Variants in TJP1 observed in about 807,000 individuals in gnomAD.
TJP1 encodes the protein tight junction protein 1, also known as tight junction protein ZO-1.
In TJP1, 43 loss-of-function variants were observed where a neutral mutation model predicts 194.2. The ratio of observed to expected loss-of-function variants is 0.22; its 90% CI spans 0.17 to 0.29. The LOEUF (loss-of-function observed/expected upper bound fraction) is 0.29, where lower values mean the gene tolerates loss of function less well. Among genes scored for constraint, TJP1 ranks in the 10% least tolerant of loss-of-function variants. The pLI, the probability that TJP1 is intolerant of heterozygous loss-of-function variation, is 1.00. For missense variants in TJP1, 1,971 were observed against 2,185.7 expected, an observed-to-expected ratio of 0.90 and a Z score of 1.96; for synonymous variants, 801 against 779.0, an observed-to-expected ratio of 1.03 and a Z score of -0.47.
intron 2 of TJP1, among the ~76,000 whole-genome samples, chr15:29,949,712 ATC>A (rs2055558651): frequency 1.0e-5 from 1 of 100,124 alleles, no homozygotes; most frequent in African/African-American, 3.6e-5. Context: ...CACCACCTCC[ATC>A]ACCTCCACCG....
intron 1 of TJP1, among the ~76,000 whole-genome samples, chr15:29,958,093 G>C (rs11857037): frequency 1.9e-3 from 287 of 152,092 alleles, no homozygotes; most frequent in African/African-American, 6.7e-3. Context: ...TTTTTTATTA[G>C]ATGTCTTGAT....
chr15:29,841,211 A>G (rs1446623896), intron 2 of TJP1, among the ~76,000 whole-genome samples: 2 of 152,170 alleles, frequency 1.3e-5, no homozygotes, highest in African/African-American at 4.8e-5. Context: ...GTGAAAGGCT[A>G]GGGTTCAAGC....
chr15:29,781,792 C>T (rs2047382785), intron 2 of TJP1, among the ~76,000 whole-genome samples: 1 of 152,140 alleles, frequency 6.6e-6, no homozygotes, highest in South Asian at 2.1e-4. Context: ...TCTCAATAAA[C>T]TAGGCATTGA....
At chr15:29,728,777 T>C (rs2043405448) in intron 15 of TJP1, 1 of 152,316 alleles carries the variant, frequency 6.6e-6, no homozygotes, top group South Asian at 2.1e-4. Context: ...CAAGTCACAC[T>C]GAGGTTCAAG....
chr15:29,844,140 G>T (rs186406002), intron 2 of TJP1, among the ~76,000 whole-genome samples: 1 of 152,248 alleles, frequency 6.6e-6, no homozygotes, highest in Non-Finnish European at 1.5e-5. Flanking sequence ...TGCAGTGCGC[G>T]GCTCACTGCA....
chr15:29,764,973 A>C (rs1002662250), intron 5 of TJP1, among the ~76,000 whole-genome samples: 2 of 152,178 alleles, frequency 1.3e-5, no homozygotes, highest in African/African-American at 4.8e-5. Context: ...CCTTAAGTGG[A>C]AAAAAAGATT....
chr15:29,766,618 A>G (rs45524136), intron 4 of TJP1, 76 bp from the exon 5 acceptor site: 26,955 of 1,383,908 alleles, frequency 0.019, 351 homozygotes, highest in South Asian at 0.051. Context: ...AGAAAGGAAT[A>G]TTACACTTCT....
intron 5 of TJP1, among the ~76,000 whole-genome samples, chr15:29,763,541 G>C (rs977250064): frequency 6.6e-6 from 1 of 151,924 alleles, no homozygotes; most frequent in Non-Finnish European, 1.5e-5. Context: ...AGGCCAAGGC[G>C]GGCGGACCAC....
chr15:29,957,337 G>T (rs751828840), intron 1 of TJP1, among the ~76,000 whole-genome samples: 1 of 151,954 alleles, frequency 6.6e-6, no homozygotes, highest in Non-Finnish European at 1.5e-5. Flanking sequence ...ACATTTGAAG[G>T]GTATAAAAAG....
intron 2 of TJP1, among the ~76,000 whole-genome samples, chr15:29,894,718 C>T (rs2053422619): frequency 6.6e-6 from 1 of 152,206 alleles, no homozygotes; most frequent in Non-Finnish European, 1.5e-5. Context: ...CTCACAGCAG[C>T]CTCTGCTTGG....
intron 26 of TJP1, among the ~76,000 whole-genome samples, chr15:29,704,739 G>A (rs1270033381): frequency 6.6e-6 from 1 of 152,126 alleles, no homozygotes; most frequent in African/African-American, 2.4e-5. Context: ...ATATTCAAAT[G>A]TGCTTGTTGC....
chr15:29,870,397 T>A (rs2052471150), intron 2 of TJP1, among the ~76,000 whole-genome samples: 2 of 152,316 alleles, frequency 1.3e-5, no homozygotes, highest in African/African-American at 4.8e-5. Context: ...TTATATTAAG[T>A]ATGCAAAATT....
At chr15:29,720,119 A>G (rs1015203383) in intron 19 of TJP1, 103 bp from the exon 20 acceptor site, 2 of 1,443,470 alleles carry the variant, frequency 1.4e-6, no homozygotes, top group African/African-American at 1.4e-5. Flanking sequence ...AGTGTGCTGA[A>G]TAACAAAATT....
At chr15:29,848,557 GT>G (rs1272424198) in intron 2 of TJP1, among the ~76,000 whole-genome samples, 12 of 152,150 alleles carry the variant, frequency 7.9e-5, no homozygotes, top group Admixed American at 1.3e-4. Context: ...AAAACTTTCA[GT>G]ATAGATAATG....
chr15:29,766,470 C>G lies in TJP1; in HGVS notation c.385G>C (p.Glu129Gln), dbSNP rs2046339419. ...TGTATTTCCTCATCATAACTATCTT[C>G]TTCATTATCAGATACTGGTTCAGGA... ...PDPEPVSDNEEDSYDEEIHDP... is the reference protein window; with the variant it reads ...PDPEPVSDNEQDSYDEEIHDP... Residue 129 changes from glutamate (E) to glutamine (Q), a missense_variant, in exon 5 of 28, where the codon GAA (glutamate) becomes CAA (glutamine). By Grantham distance (29) the Glu-to-Gln change is conservative. This residue lies in a region of TJP1 where 245 missense variants were observed against 336.6 expected (regional missense o/e 0.73). Transcript: ENST00000614355. 6.2e-7 allele frequency: 1 copy of G among 1,612,936 alleles called. No homozygotes were observed. Among genetic ancestry groups the G allele is most frequent in the Admixed American group, 1.7e-5 (1 of 59,904 alleles).
intron 2 of TJP1, among the ~76,000 whole-genome samples, chr15:29,871,920 A>G (rs2052538981): frequency 6.6e-6 from 1 of 152,252 alleles, no homozygotes; most frequent in East Asian, 1.9e-4. Context: ...AAACAATTAC[A>G]GAGCGCCTAT....
chr15:29,732,698 T>C lies in TJP1; in HGVS notation c.1854A>G (p.Arg618=). 6.2e-7 allele frequency: 1 copy of C among 1,614,200 alleles called. No individual in the cohort carries two copies. Among genetic ancestry groups the C allele is most frequent in the Non-Finnish European group, 8.5e-7 (1 of 1,180,044 alleles). ...GAACAGGCTGAGCGGACAAATCCTC[T>C]CTGCTTTTTCGAAGATTTCTCTTGG... ...RSSKRNLRKS[R]EDLSAQPVQT... The change falls in exon 14 of 28, where the codon AGA becomes AGG. Residue 618 remains arginine (R), a synonymous_variant. Coordinates refer to ENST00000614355, the MANE Select transcript of TJP1 (RefSeq NM_001330239.4).
At chr15:29,787,232 G>A (rs2047756765) in intron 2 of TJP1, among the ~76,000 whole-genome samples, 1 of 152,134 alleles carries the variant, frequency 6.6e-6, no homozygotes, top group East Asian at 1.9e-4. Flanking sequence ...TGCCAGGACA[G>A]CTGGTTAACC....
chr15:29,949,439 AC>A, intron 2 of TJP1, among the ~76,000 whole-genome samples: 1 of 141,146 alleles, frequency 7.1e-6, no homozygotes, highest in African/African-American at 2.7e-5. Flanking sequence ...CACCACCTCC[AC>A]CTCCACCTTC....
Sources: allele counts gnomAD v4.1 joint callset (sites outside exome capture counted in the v4.1 genomes callset), GRCh38; gene constraint gnomAD v4.1.1; regional missense constraint gnomAD v4.1.1; transcripts MANE v1.5; gene names NCBI Gene and HGNC (gene_info 2026-07-23, HGNC 2026-07-21).